The following GAB4 variants were observed in gnomAD, a reference collection of about 807,000 sequenced individuals.
The protein encoded by GAB4 is GRB2-associated-binding protein 4.
Under a neutral mutation model 51.3 loss-of-function variants are expected in GAB4, and 26 were observed. The ratio of observed to expected loss-of-function variants is 0.51; its 90% CI spans 0.37 to 0.70. GAB4 has a LOEUF of 0.70. GAB4 is among the 30% of genes least tolerant of loss of function. The pLI is 0.00. For synonymous variants in GAB4, 329 were observed against 291.2 expected, an observed-to-expected ratio of 1.13 and a Z score of -1.32; for missense variants, 759 against 734.6, an observed-to-expected ratio of 1.03 and a Z score of -0.38.
chr22:16,997,933 T>C (rs2060963398), intron 1 of GAB4, among the ~76,000 whole-genome samples: 2 of 152,240 alleles, frequency 1.3e-5, no homozygotes, highest in South Asian at 4.1e-4. Flanking sequence ...TTTTCTCAGG[T>C]TTGTCAAAGA....
intron 3 of GAB4, among the ~76,000 whole-genome samples, chr22:16,971,416 T>C (rs1216523234): frequency 6.6e-6 from 1 of 151,940 alleles, no homozygotes; most frequent in Non-Finnish European, 1.5e-5. Flanking sequence ...TTTATGAGAG[T>C]GGTTTTGGAA....
rs1247779703 is a variant in GAB4, at chr22:16,962,446, T to G, written c.*287A>C. ...AGCCCAGAGGCTAGAAGGAAGAGGC[T>G]GAGGACCATGAGTAAGTGTGAGAGT... On this transcript the variant is annotated 3_prime_UTR_variant, in exon 10 of 10. Coordinates refer to ENST00000400588, the MANE Select transcript of GAB4 (RefSeq NM_001037814.1). 1 of 278,518 alleles carries G rather than the reference T, an allele frequency of 3.6e-6. No homozygotes were observed. The highest frequency in any genetic ancestry group is 2.2e-5 in the African/African-American group (1 of 45,878). 17.3% of individuals were successfully genotyped at this position (278,518 alleles called of 1,614,324 possible). A position where few individuals can be genotyped will look rare whatever the true frequency, so the allele number is the denominator to read the frequency against.
chr22:17,007,820 G>T, intron 1 of GAB4, 121 bp downstream of exon 1: 1 of 886,486 alleles, frequency 1.1e-6, no homozygotes, highest in Non-Finnish European at 1.7e-6. Flanking sequence ...GCATGCAGAC[G>T]TGGAGAAGTC....
intron 5 of GAB4, chr22:16,966,638 G>A (rs910535641): frequency 3.4e-5 from 15 of 446,608 alleles, no homozygotes; most frequent in South Asian, 6.5e-5. Flanking sequence ...AAGTGGAAGA[G>A]TTTTCAGTTC....
chr22:17,004,165 A>G (rs1327562611), intron 1 of GAB4, among the ~76,000 whole-genome samples: 1 of 152,230 alleles, frequency 6.6e-6, no homozygotes, highest in African/African-American at 2.4e-5. Context: ...AAATTCTGAA[A>G]TTGAAGCAAT....
Position 16,966,350 on chromosome 22 carries a change from A to G in GAB4, c.1038T>C (p.Leu346=). Residue 346 remains leucine (L), a synonymous_variant, in exon 6 of 10, where the codon CTT becomes CTC. Transcript: ENST00000400588. ...GVCSFLPGRT[L]VGLSDSIASE... is the part of the protein sequence containing the mutation. Reference sequence around the variant, plus strand: ...AAGCAATGCTGTCTGACAGGCCCACAAGCGTTCTTCCTGGCTAGGAAGAGG... The same window carrying G: ...AAGCAATGCTGTCTGACAGGCCCACGAGCGTTCTTCCTGGCTAGGAAGAGG... The G allele has an allele frequency of 2.5e-6, 4 of 1,611,908 alleles. No homozygotes were observed. Among genetic ancestry groups the G allele is most frequent in the Non-Finnish European group, 3.4e-6 (4 of 1,178,704 alleles).
chr22:16,963,699 C>A, intron 9 of GAB4, 26 bp downstream of exon 9: 1 of 1,576,968 alleles, frequency 6.3e-7, no homozygotes, highest in Non-Finnish European at 8.7e-7. Context: ...AAGGGCTCTG[C>A]CCAACCCCAG....
intron 2 of GAB4, among the ~76,000 whole-genome samples, chr22:16,989,598 A>G (rs927829300): frequency 6.6e-6 from 1 of 152,204 alleles, no homozygotes; most frequent in Non-Finnish European, 1.5e-5. Context: ...AACAGAATCA[A>G]TGGCCTTGTA....
intron 1 of GAB4, among the ~76,000 whole-genome samples, chr22:16,997,213 C>G (rs544997122): frequency 6.6e-6 from 1 of 152,208 alleles, no homozygotes; most frequent in Non-Finnish European, 1.5e-5. Context: ...CTTGAGGAGT[C>G]GCCACACTGT....
Position 16,963,845 on chromosome 22 carries a change from G to A in GAB4, c.1477-16C>T. The A allele has an allele frequency of 1.2e-6, 2 of 1,603,204 alleles. No homozygotes were observed. Among genetic ancestry groups the A allele is most frequent in the Non-Finnish European group, 1.7e-6 (2 of 1,170,732 alleles). ...ATGCCGGGTTCTGCTGTCACAAGGA[G>A]GAAAATCCTGCAAATGAGTTCAGGA... is the stretch of plus-strand genomic sequence containing the variant. On this transcript the variant is annotated splice_polypyrimidine_tract_variant and intron_variant, in intron 8 of 9. Coordinates refer to ENST00000400588, the MANE Select transcript of GAB4 (RefSeq NM_001037814.1).
At position 16,989,263 on chromosome 22, in the gene GAB4, A is replaced by C. The variant is rs2060893638; in HGVS notation, c.479-1096T>G. ...GTAATTTCAAATGATGTGATCGCTA[A>C]GTGGGGTTATGTTTGGGTGGTGTTG... On this transcript the variant is annotated intron_variant, in intron 2 of 9. Coordinates refer to ENST00000400588, the MANE Select transcript of GAB4 (RefSeq NM_001037814.1). Among the ~76,000 whole-genome samples the C allele has an allele frequency of 3.3e-5, 5 of 152,346 alleles. No individual in the cohort carries two copies. The South Asian group carries it at 1.0e-3, about 32-fold the overall frequency.
At chr22:16,967,715 C>G (rs554337515) in intron 5 of GAB4, among the ~76,000 whole-genome samples, 1 of 152,222 alleles carries the variant, frequency 6.6e-6, no homozygotes, top group Non-Finnish European at 1.5e-5. Context: ...CCTTGGTTAC[C>G]TAATTCCCAC....
intron 1 of GAB4, among the ~76,000 whole-genome samples, chr22:17,002,794 T>C (rs2061008485): frequency 6.6e-6 from 1 of 152,160 alleles, no homozygotes; most frequent in African/African-American, 2.4e-5. Flanking sequence ...ACCTGTACAT[T>C]GTGCACACGT....
At chr22:16,976,137 C>T (rs2060776003) in intron 3 of GAB4, among the ~76,000 whole-genome samples, 1 of 152,220 alleles carries the variant, frequency 6.6e-6, no homozygotes, top group Non-Finnish European at 1.5e-5. Flanking sequence ...CACAACTCCT[C>T]ACCAGAAAGG....
At chr22:16,993,307 C>T (rs138870686) in intron 1 of GAB4, among the ~76,000 whole-genome samples, 1 of 152,140 alleles carries the variant, frequency 6.6e-6, no homozygotes, top group Non-Finnish European at 1.5e-5. Flanking sequence ...GGAATCACCA[C>T]CACCACCACC....
At chr22:16,963,189 T>C (rs1413144347) in intron 9 of GAB4, among the ~76,000 whole-genome samples, 10 of 152,222 alleles carry the variant, frequency 6.6e-5, no homozygotes, top group African/African-American at 1.9e-4. Context: ...TTCCCAGGTG[T>C]CAACAAGCAC....
rs565406781 is a variant in GAB4 at position 16,999,708 on chromosome 22, G to T, written c.175-7532C>A. Among the ~76,000 whole-genome samples, 3 of 152,170 alleles carry T rather than the reference G, an allele frequency of 2.0e-5. No individual in the cohort carries two copies. In the East Asian group the frequency reaches 5.8e-4, roughly 29 times the overall value. ...CTTTGGAATGTGTTTGCTCTTGCTT[G>T]TCTAGTTCTTTTAATTGTGATATTA... On this transcript the variant is annotated intron_variant, in intron 1 of 9. Coordinates refer to ENST00000400588, the MANE Select transcript of GAB4 (RefSeq NM_001037814.1).
At position 16,992,155 on chromosome 22, in the gene GAB4, T is replaced by C. The variant is rs1331347766; in HGVS notation, c.196A>G (p.Ile66Val). The C allele has an allele frequency of 1.2e-6, 2 of 1,609,944 alleles. No individual in the cohort carries two copies. Among genetic ancestry groups the C allele is most frequent in the Non-Finnish European group, 1.7e-6 (2 of 1,176,888 alleles). ...CTGCTAGTCTGGCCCCTCCGCAGGA[T>C]AAACCAGCGTTTCCTCCAGGCCTAA... ...RLFAWRKRWF[I>V]LRRGQTSSDP... is the part of the protein sequence containing the mutation. The change falls in exon 2 of 10, where the codon ATC (isoleucine) becomes GTC (valine). Residue 66 changes from isoleucine to valine, a missense_variant. Coordinates refer to ENST00000400588, the MANE Select transcript of GAB4 (RefSeq NM_001037814.1).
chr22:17,000,137 T>C (rs2060985716), intron 1 of GAB4, among the ~76,000 whole-genome samples: 1 of 152,192 alleles, frequency 6.6e-6, no homozygotes, highest in Non-Finnish European at 1.5e-5. Context: ...GGTGGAGAGT[T>C]CTGTAGATGT....
Sources: allele counts gnomAD v4.1 joint callset (sites outside exome capture counted in the v4.1 genomes callset), GRCh38; gene constraint gnomAD v4.1.1; transcripts MANE v1.5; gene names NCBI Gene and HGNC (gene_info 2026-07-23, HGNC 2026-07-21).